Variants in S100Z observed in about 807,000 individuals in gnomAD.
S100Z encodes protein S100-Z.
In S100Z, 11 loss-of-function variants were observed where a neutral mutation model predicts 8.5. That is an observed-to-expected ratio of 1.30 (90% CI 0.82 to 2.15). The LOEUF is 2.15. S100Z is among the 30% of genes most tolerant of loss of function. S100Z has a pLI of 0.00. For synonymous variants in S100Z, 34 were observed against 43.8 expected (o/e 0.78, Z 0.89); for missense variants, 126 against 117.9 (o/e 1.07, Z -0.32).
chr5:76,910,020 A>G (rs1744591575), intron 4 of S100Z, among the ~76,000 whole-genome samples: 1 of 152,218 alleles, frequency 6.6e-6, no homozygotes, highest in Admixed American at 6.5e-5. Flanking sequence ...CATCCCCAGT[A>G]TGGATCCCCA....
chr5:76,922,961 A>T (rs1340860536), downstream of S100Z, among the ~76,000 whole-genome samples: 1 of 151,862 alleles, frequency 6.6e-6, no homozygotes, highest in Non-Finnish European at 1.5e-5. Flanking sequence ...AGTTTTAGCA[A>T]GCCTTCAGAA....
At chr5:76,926,819 T>A in the S100Z span, among the ~76,000 whole-genome samples, 1 of 152,294 alleles carries the variant, frequency 6.6e-6, no homozygotes, top group East Asian at 1.9e-4. Context: ...AAGGAAAAGA[T>A]TCCCCCTGAA....
chr5:76,857,240 C>T (rs61503732), intron 1 of S100Z, among the ~76,000 whole-genome samples: 7 of 151,796 alleles, frequency 4.6e-5, no homozygotes, highest in Middle Eastern at 3.2e-3. Context: ...TGCAGTGAGC[C>T]GAGATTGCGC....
intron 4 of S100Z, among the ~76,000 whole-genome samples, chr5:76,908,028 G>C (rs1046948397): frequency 6.6e-6 from 1 of 152,136 alleles, no homozygotes; most frequent in African/African-American, 2.4e-5. Context: ...CTACTCGGGA[G>C]GCTGAGGTGG....
chr5:76,911,000 A>G (rs1424277086), intron 4 of S100Z, among the ~76,000 whole-genome samples: 1 of 152,140 alleles, frequency 6.6e-6, no homozygotes, highest in Non-Finnish European at 1.5e-5. Flanking sequence ...GGCTGGAACT[A>G]TTGTCTACAT....
intron 1 of S100Z, among the ~76,000 whole-genome samples, chr5:76,859,413 T>C (rs946051188): frequency 6.6e-6 from 1 of 152,084 alleles, no homozygotes; most frequent in African/African-American, 2.4e-5. Flanking sequence ...TGGAGACAGG[T>C]AGTATTAAAG....
At position 76,877,687 on chromosome 5, in the gene S100Z, C is replaced by T. The variant is rs776258028; in HGVS notation, c.155C>T (p.Thr52Ile). The T allele has an allele frequency of 1.2e-6, 2 of 1,602,906 alleles. No homozygotes were observed. Among genetic ancestry groups the T allele is most frequent in the South Asian group, 2.2e-5 (2 of 89,782 alleles). The change falls in exon 4 of 5, where the codon ACC becomes ATC. Residue 52 changes from threonine to isoleucine, a missense_variant. Physicochemically the swap from Thr to Ile is moderately conservative, Grantham distance 89. Transcript: ENST00000317593. The part of the protein sequence containing the change: ...LTEFLSCQKE[T>I]QLVDKIVQDL... ...TTCTCATTTTAGTGCCAAAAGGAAACCCAGTTGGTTGATAAGATAGTGCAG... is the reference window on the plus strand; with the variant it reads ...TTCTCATTTTAGTGCCAAAAGGAAATCCAGTTGGTTGATAAGATAGTGCAG...
the S100Z span, among the ~76,000 whole-genome samples, chr5:76,943,633 CT>C: frequency 6.6e-6 from 1 of 152,198 alleles, no homozygotes; most frequent in African/African-American, 2.4e-5. Context: ...TGCATGCTTC[CT>C]TGCATTTTTC....
chr5:76,878,874 A>G (rs1256174934), intron 4 of S100Z, among the ~76,000 whole-genome samples: 1 of 152,190 alleles, frequency 6.6e-6, no homozygotes, highest in African/African-American at 2.4e-5. Flanking sequence ...GGACTTGCTG[A>G]TGGATTCATA....
At chr5:76,919,546 CCCTCCCTTCCTTCCTT>C (rs1285347104) in intron 4 of S100Z, among the ~76,000 whole-genome samples, 15 of 136,324 alleles carry the variant, frequency 1.1e-4, no homozygotes, top group African/African-American at 4.1e-4. Context: ...CTCCCTCCCT[CCCTCCCTTCCTTCCTT>C]CCTTTCTCTC....
intron 1 of S100Z, among the ~76,000 whole-genome samples, chr5:76,851,602 A>C (rs189015493): frequency 0.034 from 5,040 of 148,474 alleles, 135 homozygotes; most frequent in African/African-American, 0.072. Flanking sequence ...TGGAGCAGCA[A>C]AAAAAGGGGA....
At chr5:76,935,676 G>T in the S100Z span, among the ~76,000 whole-genome samples, 1 of 151,232 alleles carries the variant, frequency 6.6e-6, no homozygotes, top group African/African-American at 2.4e-5. Flanking sequence ...CTGGTCTGTT[G>T]ATTTATCCTT....
chr5:76,875,288 G>A lies in S100Z; in HGVS notation c.-56-16G>A. 7.2e-7 allele frequency: 1 copy of A among 1,392,074 alleles called. No individual in the cohort carries two copies. The highest frequency in any genetic ancestry group is 9.8e-7 in the Non-Finnish European group (1 of 1,024,442). The allele number at this position is 1,392,074 out of a possible 1,614,324, so 86.2% of individuals were successfully genotyped here. A position where few individuals can be genotyped will look rare whatever the true frequency, so the allele number is the denominator to read the frequency against. Reference sequence around the variant, plus strand: ...TGAAAGTGTTGGTGTTTCCTCATCTGTTTATTCTGAACAAGTGTCTTCTCC... The same window carrying A: ...TGAAAGTGTTGGTGTTTCCTCATCTATTTATTCTGAACAAGTGTCTTCTCC... On this transcript the variant is annotated splice_polypyrimidine_tract_variant and intron_variant, in intron 2 of 4. Transcript: ENST00000317593.
chr5:76,905,164 A>G (rs547003136), intron 4 of S100Z, among the ~76,000 whole-genome samples: 1 of 152,060 alleles, frequency 6.6e-6, no homozygotes, highest in Non-Finnish European at 1.5e-5. Context: ...CAATAGTACC[A>G]AGGTTGACAA....
At chr5:76,934,143 C>T in the S100Z span, among the ~76,000 whole-genome samples, 2 of 152,184 alleles carry the variant, frequency 1.3e-5, no homozygotes, top group African/African-American at 4.8e-5. Context: ...TGTCACACTC[C>T]AAGGTCCATG....
chr5:76,860,103 G>A (rs147517984), intron 1 of S100Z, among the ~76,000 whole-genome samples: 4 of 152,306 alleles, frequency 2.6e-5, no homozygotes, highest in African/African-American at 9.6e-5. Context: ...TGCTGAGGCA[G>A]AGAAAGAACT....
intron 1 of S100Z, among the ~76,000 whole-genome samples, chr5:76,856,632 AC>A (rs1177795611): frequency 6.6e-6 from 1 of 152,232 alleles, no homozygotes; most frequent in Non-Finnish European, 1.5e-5. Context: ...AAGAAAGAGA[AC>A]CGGAAGCCAC....
chr5:76,899,586 TAAC>T (rs1744162037), intron 4 of S100Z, among the ~76,000 whole-genome samples: 1 of 152,196 alleles, frequency 6.6e-6, no homozygotes. Context: ...TTTAACCTGA[TAAC>T]AACACTATTT....
At position 76,877,672 on chromosome 5, in the gene S100Z, A is replaced by G; in HGVS notation, c.142-2A>G. The G allele has an allele frequency of 6.3e-7, 1 of 1,587,484 alleles. No individual in the cohort carries two copies. Among genetic ancestry groups the G allele is most frequent in the East Asian group, 2.2e-5 (1 of 44,544 alleles). On this transcript the variant is annotated splice_acceptor_variant, in intron 3 of 4. Coordinates refer to ENST00000317593, the MANE Select transcript of S100Z (RefSeq NM_130772.4). LOFTEE classifies it high-confidence loss of function. ...AGTTAGAAATTTCCTTTCTCATTTT[A>G]GTGCCAAAAGGAAACCCAGTTGGTT...
Sources: gnomAD v4.1 joint callset for allele counts (sites outside exome capture counted in the v4.1 genomes callset) on GRCh38, gnomAD v4.1.1 for gene constraint, MANE v1.5 for transcripts, NCBI Gene and HGNC (gene_info 2026-07-23, HGNC 2026-07-21) for gene names.